Variants in SCHIP1 observed in about 807,000 individuals in gnomAD.
The protein encoded by SCHIP1 is schwannomin interacting protein 1.
SCHIP1 carries 8 observed loss-of-function variants against 29.7 expected under a neutral mutation model. The observed-to-expected ratio is 0.27, with a 90% CI of 0.16 to 0.49. The LOEUF (loss-of-function observed/expected upper bound fraction) is 0.49. Among genes scored for constraint, SCHIP1 ranks in the 20% least tolerant of loss-of-function variants. SCHIP1 has a pLI of 0.99. For synonymous variants in SCHIP1, 76 were observed against 94.9 expected (o/e 0.80, Z 1.16); for missense variants, 193 against 294.6 (o/e 0.66, Z 2.52).
At chr3:159,588,214 G>A in the SCHIP1 span, among the ~76,000 whole-genome samples, 3 of 152,114 alleles carry the variant, frequency 2.0e-5, no homozygotes, top group Non-Finnish European at 4.4e-5. Flanking sequence ...TTTCTCTGAT[G>A]GCCAGTGATG....
chr3:159,759,268 T>G, the SCHIP1 span, among the ~76,000 whole-genome samples: 1 of 152,306 alleles, frequency 6.6e-6, no homozygotes, highest in South Asian at 2.1e-4. Context: ...ACTAGTAAGT[T>G]AAGATTAACC....
chr3:159,426,521 C>A, the SCHIP1 span, among the ~76,000 whole-genome samples: 3 of 152,270 alleles, frequency 2.0e-5, no homozygotes, highest in Admixed American at 1.3e-4. Flanking sequence ...ATAAGAGGAG[C>A]TGAAATTGTG....
At chr3:159,764,790 G>C in the SCHIP1 span, 1 of 1,567,366 alleles carries the variant, frequency 6.4e-7, no homozygotes, top group South Asian at 1.2e-5. The surrounding 1 kb of genome is among the most constrained non-coding windows in gnomAD (Gnocchi z 6.1). Context: ...GCGGGGGCAG[G>C]AGCGCCACCA....
chr3:159,282,923 C>T, the SCHIP1 span, among the ~76,000 whole-genome samples: 1 of 151,550 alleles, frequency 6.6e-6, no homozygotes, highest in African/African-American at 2.4e-5. Flanking sequence ...CTTGGATGGT[C>T]AGACTCATTC....
At chr3:159,327,841 C>A in the SCHIP1 span, among the ~76,000 whole-genome samples, 1 of 152,076 alleles carries the variant, frequency 6.6e-6, no homozygotes, top group South Asian at 2.1e-4. Flanking sequence ...GAAAGGGTTC[C>A]AAGACAGCAA....
the SCHIP1 span, among the ~76,000 whole-genome samples, chr3:159,546,766 G>T: frequency 6.6e-6 from 1 of 151,916 alleles, no homozygotes; most frequent in Non-Finnish European, 1.5e-5. Context: ...TCTTTTTTTG[G>T]CTGCATAGTA....
chr3:159,501,394 C>A, the SCHIP1 span, among the ~76,000 whole-genome samples: 1 of 152,172 alleles, frequency 6.6e-6, no homozygotes, highest in Non-Finnish European at 1.5e-5. Context: ...ATCTCCAAAC[C>A]TTTTAATTTT....
At chr3:159,647,167 A>C in the SCHIP1 span, among the ~76,000 whole-genome samples, 3 of 152,132 alleles carry the variant, frequency 2.0e-5, no homozygotes, top group Admixed American at 2.0e-4. Context: ...ACATTAGTGC[A>C]AAGGGGAAAG....
At chr3:159,650,266 A>T in the SCHIP1 span, among the ~76,000 whole-genome samples, 1 of 152,212 alleles carries the variant, frequency 6.6e-6, no homozygotes, top group Non-Finnish European at 1.5e-5. Context: ...AAATAATGAA[A>T]AAAGGGAAAA....
the SCHIP1 span, among the ~76,000 whole-genome samples, chr3:159,590,750 T>A: frequency 6.6e-6 from 1 of 152,144 alleles, no homozygotes; most frequent in Non-Finnish European, 1.5e-5. Context: ...TTGATTACTC[T>A]TTTATTTCTA....
the SCHIP1 span, among the ~76,000 whole-genome samples, chr3:159,507,639 C>T: frequency 6.6e-6 from 1 of 152,108 alleles, no homozygotes; most frequent in Non-Finnish European, 1.5e-5. Flanking sequence ...GAGATACATC[C>T]CATCAATACC....
chr3:159,871,641 A>G (rs1017409230), intron 2 of SCHIP1, among the ~76,000 whole-genome samples: 3 of 152,200 alleles, frequency 2.0e-5, no homozygotes, highest in Non-Finnish European at 4.4e-5. Context: ...CTCTTGGGCT[A>G]TGAATTGCGA....
the SCHIP1 span, among the ~76,000 whole-genome samples, chr3:159,569,169 G>C: frequency 6.6e-6 from 1 of 151,534 alleles, no homozygotes; most frequent in Non-Finnish European, 1.5e-5. Context: ...TCCAATTACT[G>C]GTTTTTTTTT....
the SCHIP1 span, among the ~76,000 whole-genome samples, chr3:159,595,315 C>A: frequency 2.0e-5 from 3 of 152,014 alleles, no homozygotes; most frequent in Admixed American, 2.0e-4. Context: ...GAGATGTTCT[C>A]TAATCATTCA....
At chr3:159,581,278 A>T in the SCHIP1 span, among the ~76,000 whole-genome samples, 1 of 152,104 alleles carries the variant, frequency 6.6e-6, no homozygotes, top group African/African-American at 2.4e-5. Flanking sequence ...AGTTTCCTGG[A>T]TTTTCTGTTT....
At chr3:159,309,791 G>A in the SCHIP1 span, among the ~76,000 whole-genome samples, 1 of 152,114 alleles carries the variant, frequency 6.6e-6, no homozygotes, top group East Asian at 1.9e-4. Flanking sequence ...CTTTATTTGG[G>A]TGAGCACTTT....
chr3:159,330,571 T>C, the SCHIP1 span, among the ~76,000 whole-genome samples: 4 of 152,330 alleles, frequency 2.6e-5, no homozygotes, highest in South Asian at 8.3e-4. Context: ...TGACAGATAC[T>C]GATATGTATT....
At chr3:159,393,084 T>C in the SCHIP1 span, among the ~76,000 whole-genome samples, 1 of 152,254 alleles carries the variant, frequency 6.6e-6, no homozygotes, top group Non-Finnish European at 1.5e-5. Context: ...CATTTTTTCA[T>C]GTGTCTTTTG....
At chr3:159,403,809 C>T in the SCHIP1 span, among the ~76,000 whole-genome samples, 1 of 152,074 alleles carries the variant, frequency 6.6e-6, no homozygotes, top group South Asian at 2.1e-4. Flanking sequence ...AGACATGAGC[C>T]AAGGTGGCAC....
Sources: allele counts gnomAD v4.1 joint callset (sites outside exome capture counted in the v4.1 genomes callset), GRCh38; gene constraint gnomAD v4.1.1; non-coding constraint Gnocchi (gnomAD v3.1); transcripts MANE v1.5; gene names NCBI Gene and HGNC (gene_info 2026-07-23, HGNC 2026-07-21).